RBFOX1: variants seen among roughly 807,000 people sequenced by gnomAD.
RBFOX1 encodes the protein RNA binding protein fox-1 homolog 1.
A neutral mutation model predicts 57.7 loss-of-function variants in RBFOX1; 8 were observed. The ratio of observed to expected loss-of-function variants is 0.14; its 90% CI spans 0.08 to 0.25. The LOEUF (loss-of-function observed/expected upper bound fraction) is 0.25, where lower values mean the gene tolerates loss of function less well. RBFOX1 is among the 10% of genes least tolerant of loss of function. RBFOX1 has a pLI of 1.00. For missense variants in RBFOX1, 611 were observed against 548.5 expected (o/e 1.11, Z -1.14); for synonymous variants, 326 against 222.4 (o/e 1.47, Z -4.15).
chr16:7,183,464 T>G (rs922395074), intron 4 of RBFOX1, among the ~76,000 whole-genome samples: 1 of 152,120 alleles, frequency 6.6e-6, no homozygotes, highest in Admixed American at 6.5e-5. Context: ...TATTAAATAG[T>G]GAAACCTTCG....
intron 3 of RBFOX1, among the ~76,000 whole-genome samples, chr16:7,032,731 T>C (rs1473245575): frequency 6.6e-6 from 1 of 152,080 alleles, no homozygotes; most frequent in Non-Finnish European, 1.5e-5. Context: ...GAATTTCACT[T>C]GTTATTTTGT....
At chr16:5,556,433 C>G (rs1199547843) in intron 2 of RBFOX1, among the ~76,000 whole-genome samples, 2 of 152,202 alleles carry the variant, frequency 1.3e-5, no homozygotes, top group Admixed American at 6.5e-5. Flanking sequence ...GGCAACGTTT[C>G]CAGGTCATTT....
intron 2 of RBFOX1, among the ~76,000 whole-genome samples, chr16:6,321,058 C>A (rs7198800): frequency 0.16 from 23,646 of 152,108 alleles, 2,248 homozygotes; most frequent in South Asian, 0.27. Context: ...CCTCCCAAAG[C>A]GTTGGGATTA....
At chr16:7,012,006 G>T (rs2093676403) in intron 3 of RBFOX1, among the ~76,000 whole-genome samples, 1 of 152,144 alleles carries the variant, frequency 6.6e-6, no homozygotes, top group Non-Finnish European at 1.5e-5. Context: ...TGATCAATGA[G>T]GTCTAGTCCA....
intron 4 of RBFOX1, among the ~76,000 whole-genome samples, chr16:7,371,450 A>G (rs535845215): frequency 7.7e-4 from 118 of 152,346 alleles, no homozygotes; most frequent in African/African-American, 2.7e-3. Flanking sequence ...ACCATTGTGT[A>G]TAGATATGCA....
chr16:6,960,422 C>A (rs549812198), intron 3 of RBFOX1, among the ~76,000 whole-genome samples: 1 of 152,298 alleles, frequency 6.6e-6, no homozygotes, highest in South Asian at 2.1e-4. Context: ...GGCCTTCTCC[C>A]TGTACCCGGT....
intron 3 of RBFOX1, among the ~76,000 whole-genome samples, chr16:6,934,979 T>C (rs1158301666): frequency 1.3e-5 from 2 of 151,712 alleles, no homozygotes; most frequent in African/African-American, 4.8e-5. Context: ...TTCCAGCAAG[T>C]CGGGAGGCTG....
At chr16:6,330,840 T>C (rs1265280062) in intron 2 of RBFOX1, among the ~76,000 whole-genome samples, 1 of 152,168 alleles carries the variant, frequency 6.6e-6, no homozygotes, top group African/African-American at 2.4e-5. Context: ...AAGGAAGTGA[T>C]ATTTAAGTGG....
At chr16:5,263,445 G>T (rs1258527290) in intron 1 of RBFOX1, among the ~76,000 whole-genome samples, 2 of 152,140 alleles carry the variant, frequency 1.3e-5, no homozygotes, top group African/African-American at 4.8e-5. Flanking sequence ...TGACTTGAGG[G>T]CATAGCAGGG....
At chr16:7,051,984 C>T (rs557739231) in intron 3 of RBFOX1, 73 bp from the exon 4 acceptor site, 2 of 1,562,646 alleles carry the variant, frequency 1.3e-6, no homozygotes, top group African/African-American at 2.7e-5. Flanking sequence ...TTAAAAGTAA[C>T]TTTCTGTTTT....
intron 2 of RBFOX1, among the ~76,000 whole-genome samples, chr16:6,491,263 T>A (rs1345445973): frequency 1.3e-5 from 2 of 152,028 alleles, no homozygotes; most frequent in Non-Finnish European, 2.9e-5. Flanking sequence ...AATGGGAAGT[T>A]GGATTTAAAA....
At chr16:5,900,837 A>G (rs1324865553) in intron 4 of RBFOX1, among the ~76,000 whole-genome samples, 1 of 152,072 alleles carries the variant, frequency 6.6e-6, no homozygotes, top group Non-Finnish European at 1.5e-5. Flanking sequence ...AAGCTGCAGG[A>G]GCTCCCTCCC....
chr16:5,768,903 C>T (rs532656092), intron 3 of RBFOX1, among the ~76,000 whole-genome samples: 1 of 151,898 alleles, frequency 6.6e-6, no homozygotes, highest in South Asian at 2.1e-4. Context: ...CCCCCTGTAA[C>T]CCATTGTATT....
At chr16:6,293,261 G>A (rs2077661066) in intron 1 of RBFOX1, among the ~76,000 whole-genome samples, 3 of 152,074 alleles carry the variant, frequency 2.0e-5, no homozygotes, top group African/African-American at 7.2e-5. Context: ...TATTGGATCA[G>A]GGGTATAAAC....
chr16:6,500,063 G>T (rs977206677), intron 2 of RBFOX1, among the ~76,000 whole-genome samples: 1 of 152,106 alleles, frequency 6.6e-6, no homozygotes, highest in Non-Finnish European at 1.5e-5. Flanking sequence ...TGTGAACCGG[G>T]TGTGAATGAT....
At chr16:5,966,673 A>G (rs372531767) in intron 4 of RBFOX1, among the ~76,000 whole-genome samples, 5 of 152,176 alleles carry the variant, frequency 3.3e-5, no homozygotes, top group African/African-American at 9.6e-5. Context: ...AACGCCCAAA[A>G]TCTTTTGACA....
At chr16:7,104,142 T>A (rs1449415313) in intron 4 of RBFOX1, among the ~76,000 whole-genome samples, 3 of 152,180 alleles carry the variant, frequency 2.0e-5, no homozygotes, top group African/African-American at 7.2e-5. Context: ...GTATGGAAAT[T>A]AAGGCCAAGA....
At chr16:5,328,837 G>C (rs1175147918) in intron 1 of RBFOX1, among the ~76,000 whole-genome samples, 2 of 152,194 alleles carry the variant, frequency 1.3e-5, no homozygotes, top group African/African-American at 4.8e-5. Flanking sequence ...AAAGAGAAGG[G>C]AGAACTCATG....
chr16:7,550,401 C>A (rs921762817), intron 5 of RBFOX1, among the ~76,000 whole-genome samples: 12 of 152,072 alleles, frequency 7.9e-5, no homozygotes, highest in African/African-American at 2.9e-4. Flanking sequence ...CAGAGGGGGA[C>A]CTTTATGATC....
Sources: gnomAD v4.1 joint callset for allele counts (sites outside exome capture counted in the v4.1 genomes callset) on GRCh38, gnomAD v4.1.1 for gene constraint, MANE v1.5 for transcripts, NCBI Gene and HGNC (gene_info 2026-07-23, HGNC 2026-07-21) for gene names.